Variants in FRYL observed in about 807,000 individuals in gnomAD.
The protein encoded by FRYL is protein furry homolog-like.
In FRYL, 150 loss-of-function variants were observed where a neutral mutation model predicts 351.2. The ratio of observed to expected loss-of-function variants is 0.43; its 90% CI spans 0.37 to 0.49. The LOEUF is 0.49. Among genes scored for constraint, FRYL ranks in the 20% least tolerant of loss-of-function variants. The pLI is 0.00. For missense variants in FRYL, 3,036 were observed against 3,619.3 expected, an observed-to-expected ratio of 0.84 and a Z score of 4.13; for synonymous variants, 1,153 against 1,257.1, an observed-to-expected ratio of 0.92 and a Z score of 1.75.
intron 19 of FRYL, among the ~76,000 whole-genome samples, chr4:48,585,740 A>T (rs1419467351): frequency 1.3e-5 from 2 of 152,244 alleles, no homozygotes; most frequent in Non-Finnish European, 2.9e-5. Context: ...TAGATGTGAT[A>T]ATCTAGTGCA....
chr4:48,774,903 G>A (rs1775857370), intron 1 of FRYL, among the ~76,000 whole-genome samples: 1 of 152,148 alleles, frequency 6.6e-6, no homozygotes, highest in African/African-American at 2.4e-5. Context: ...GTAAAGACAT[G>A]TATTTATTAT....
At chr4:48,543,395 A>G (rs2148947255) in intron 44 of FRYL, among the ~76,000 whole-genome samples, 1 of 152,314 alleles carries the variant, frequency 6.6e-6, no homozygotes, top group East Asian at 1.9e-4. Context: ...TGTATCCCTG[A>G]TATTTATAAC....
chr4:48,609,067 T>C lies in FRYL; in HGVS notation c.492A>G (p.Gly164=), dbSNP rs762407279. The change falls in exon 9 of 64, where the codon GGA becomes GGG. Residue 164 remains glycine, a splice_region_variant and synonymous_variant. Coordinates refer to ENST00000358350, the MANE Select transcript of FRYL (RefSeq NM_015030.2). ...CATTCCCAGTGTTGGTTCCTGAATA[T>C]CTAAAATAACAAAAGAACAAACATA... ...LAFKHFKHKE[G]YSGTNTGNVH... is the part of the protein sequence containing the mutation. The C allele has an allele frequency of 5.1e-6, 8 of 1,572,380 alleles. No individual in the cohort carries two copies. The East Asian group carries it at 1.6e-4, about 31-fold the overall frequency.
intron 6 of FRYL, 46 bp from the exon 7 acceptor site, chr4:48,619,416 T>G (rs752477498): frequency 9.5e-7 from 1 of 1,051,404 alleles, no homozygotes; most frequent in Non-Finnish European, 1.4e-6. Flanking sequence ...ATTATGACTT[T>G]AAAAATACCT....
chr4:48,632,091 AATATATATATATATAT>A (rs1560753223), intron 4 of FRYL, among the ~76,000 whole-genome samples: 95 of 23,378 alleles, frequency 4.1e-3, no homozygotes, highest in African/African-American at 7.0e-3. Flanking sequence ...AAAAAAAAAA[AATATATATATATATAT>A]ATATATATAT....
chr4:48,673,853 G>T lies in FRYL; in HGVS notation c.-81+10820C>A, dbSNP rs181311362. On this transcript the variant is annotated intron_variant, in intron 3 of 63. Transcript: ENST00000358350. ...ACACATGAAACAAAACAAAGTTCAC[G>T]CTCAGCTTATGTTCTATTTGATGTG... 2.6e-5 allele frequency among the ~76,000 whole-genome samples: 4 copies of T among 152,248 alleles called. No individual in the cohort carries two copies. In the East Asian group the frequency reaches 7.7e-4, roughly 29 times the overall value.
chr4:48,615,630 A>G (rs1749266162), intron 7 of FRYL, among the ~76,000 whole-genome samples: 1 of 152,242 alleles, frequency 6.6e-6, no homozygotes. Flanking sequence ...TGACTTTTTT[A>G]GAAAAGCAAA....
At chr4:48,566,167 A>G (rs1048893080) in intron 28 of FRYL, among the ~76,000 whole-genome samples, 2 of 152,078 alleles carry the variant, frequency 1.3e-5, no homozygotes, top group Non-Finnish European at 2.9e-5. Flanking sequence ...GGAAGCTTAC[A>G]TGTAATCTCA....
At chr4:48,594,055 G>A (rs1261579721) in intron 15 of FRYL, 39 bp from the exon 16 acceptor site, 1 of 1,061,656 alleles carries the variant, frequency 9.4e-7, no homozygotes, top group Non-Finnish European at 1.3e-6. Context: ...GCTACTATGT[G>A]TTAGGTATCA....
At chr4:48,585,350 C>A (rs912590881) in intron 19 of FRYL, among the ~76,000 whole-genome samples, 4 of 152,170 alleles carry the variant, frequency 2.6e-5, no homozygotes, top group African/African-American at 9.7e-5. Flanking sequence ...TCTCTGATCA[C>A]AACAGGCAAC....
At chr4:48,526,270 A>G (rs1048966621) in intron 53 of FRYL, among the ~76,000 whole-genome samples, 2 of 152,186 alleles carry the variant, frequency 1.3e-5, no homozygotes, top group Non-Finnish European at 2.9e-5. Flanking sequence ...TTGCATACAG[A>G]TATTTGTAGC....
intron 33 of FRYL, 69 bp from the exon 34 acceptor site, chr4:48,557,781 ACAGATTTCAGAAGC>A (rs1315262928): frequency 1.3e-6 from 2 of 1,558,198 alleles, no homozygotes; most frequent in Non-Finnish European, 1.8e-6. Flanking sequence ...ATTAATTCCA[ACAGATTTCAGAAGC>A]CAGATTTTAT....
At chr4:48,618,462 G>A (rs1749991431) in intron 7 of FRYL, 1 of 151,352 alleles carries the variant, frequency 6.6e-6, no homozygotes, top group African/African-American at 2.4e-5. Context: ...CTGTCCAAAT[G>A]TGTCATATCC....
At chr4:48,701,221 A>G (rs897416378) in intron 2 of FRYL, among the ~76,000 whole-genome samples, 3 of 152,252 alleles carry the variant, frequency 2.0e-5, no homozygotes, top group Non-Finnish European at 4.4e-5. Flanking sequence ...TATTGCATCA[A>G]TATGTATTAG....
At chr4:48,681,472 T>C (rs932223959) in intron 3 of FRYL, among the ~76,000 whole-genome samples, 1 of 152,188 alleles carries the variant, frequency 6.6e-6, no homozygotes, top group East Asian at 1.9e-4. Flanking sequence ...TGTGATCATG[T>C]AAAGAGAAAT....
chr4:48,768,337 AAAC>A (rs1195877803), intron 1 of FRYL, among the ~76,000 whole-genome samples: 2 of 152,270 alleles, frequency 1.3e-5, no homozygotes, highest in African/African-American at 4.8e-5. Context: ...AAATACAAGC[AAAC>A]AAAACGAAAA....
intron 18 of FRYL, among the ~76,000 whole-genome samples, chr4:48,587,636 C>T (rs1742401821): frequency 1.3e-5 from 2 of 152,100 alleles, no homozygotes; most frequent in South Asian, 2.1e-4. Flanking sequence ...CTCCGCCTCC[C>T]GGGTTCAGGC....
intron 22 of FRYL, among the ~76,000 whole-genome samples, chr4:48,580,260 A>C (rs1414408816): frequency 6.6e-6 from 1 of 152,160 alleles, no homozygotes; most frequent in Non-Finnish European, 1.5e-5. Flanking sequence ...TTTTATAGCT[A>C]TTCTTACATC....
rs12108445 is a variant in FRYL, at chr4:48,670,755, T to C, written c.-81+13918A>G. ...ACATAATGACCTCCAGTTCCATCCA[T>C]GTTGCTGCAAGTGACAGAATCTCAT... On this transcript the variant is annotated intron_variant, in intron 3 of 63. Coordinates refer to ENST00000358350, the MANE Select transcript of FRYL (RefSeq NM_015030.2). Among the ~76,000 whole-genome samples the C allele has an allele frequency of 4.5e-3, 678 of 152,260 alleles. 4 individuals carry two copies. The highest frequency in any genetic ancestry group is 0.015 in the African/African-American group (629 of 41,542).
Sources: allele counts gnomAD v4.1 joint callset (sites outside exome capture counted in the v4.1 genomes callset), GRCh38; gene constraint gnomAD v4.1.1; transcripts MANE v1.5; gene names NCBI Gene and HGNC (gene_info 2026-07-23, HGNC 2026-07-21).